CPNE4: variants seen among roughly 807,000 people sequenced by gnomAD.
The protein encoded by CPNE4 is copine-4.
CPNE4 carries 25 observed loss-of-function variants against 67.9 expected under a neutral mutation model. The observed-to-expected ratio is 0.37, with a 90% CI of 0.27 to 0.51. The LOEUF (loss-of-function observed/expected upper bound fraction) is 0.51, where lower values mean the gene tolerates loss of function less well. Ranked by LOEUF, CPNE4 falls within the 20% of genes least tolerant of loss-of-function variation. CPNE4 has a pLI of 0.93. For synonymous variants in CPNE4, 242 were observed against 244.9 expected (o/e 0.99, Z 0.11); for missense variants, 464 against 690.8 (o/e 0.67, Z 3.68).
intron 1 of CPNE4, among the ~76,000 whole-genome samples, chr3:131,992,306 G>A (rs1433952929): frequency 1.5e-5 from 2 of 137,010 alleles, no homozygotes; most frequent in African/African-American, 4.9e-5. Flanking sequence ...AAGGCTGTGG[G>A]AGCCCACCTC....
intron 1 of CPNE4, among the ~76,000 whole-genome samples, chr3:131,995,380 C>T (rs1027583995): frequency 6.6e-5 from 10 of 152,136 alleles, no homozygotes; most frequent in African/African-American, 2.2e-4. Flanking sequence ...AAAAGATAAC[C>T]CCCCTTCAAG....
intron 1 of CPNE4, among the ~76,000 whole-genome samples, chr3:131,951,833 G>A (rs1483037417): frequency 2.0e-5 from 3 of 152,126 alleles, no homozygotes; most frequent in Non-Finnish European, 2.9e-5. Context: ...CCGAGGTGCC[G>A]GGATTGCAGA....
chr3:131,760,980 G>A (rs937076617), intron 2 of CPNE4, among the ~76,000 whole-genome samples: 1 of 152,080 alleles, frequency 6.6e-6, no homozygotes, highest in African/African-American at 2.4e-5. Context: ...AATTCCCTGA[G>A]GGAAGAGACA....
At chr3:131,997,009 G>A (rs1209741835) in intron 1 of CPNE4, among the ~76,000 whole-genome samples, 1 of 151,994 alleles carries the variant, frequency 6.6e-6, no homozygotes, top group Non-Finnish European at 1.5e-5. Flanking sequence ...GGCCTGGAGT[G>A]GAGGGGCCAT....
chr3:131,745,168 T>C (rs1373868045), intron 2 of CPNE4, among the ~76,000 whole-genome samples: 1 of 152,160 alleles, frequency 6.6e-6, no homozygotes, highest in Non-Finnish European at 1.5e-5. Context: ...TTAATTTTAA[T>C]TTTCATAATA....
chr3:131,667,171 G>A (rs1164053702), intron 7 of CPNE4, among the ~76,000 whole-genome samples: 1 of 151,808 alleles, frequency 6.6e-6, no homozygotes, highest in Non-Finnish European at 1.5e-5. Flanking sequence ...AGATTTTCAT[G>A]GACCCTAAAA....
chr3:131,626,254 G>C (rs1005694316), intron 7 of CPNE4, among the ~76,000 whole-genome samples: 2 of 152,232 alleles, frequency 1.3e-5, no homozygotes, highest in Non-Finnish European at 2.9e-5. Flanking sequence ...ATTAAGCTTG[G>C]TGGGGAAGGC....
At chr3:131,562,611 C>T (rs529168115) in intron 11 of CPNE4, among the ~76,000 whole-genome samples, 5 of 152,044 alleles carry the variant, frequency 3.3e-5, no homozygotes, top group Admixed American at 1.3e-4. Context: ...TGTGTGTATG[C>T]ATCTGTGTGT....
intron 1 of CPNE4, among the ~76,000 whole-genome samples, chr3:131,999,879 A>G (rs1228465381): frequency 1.3e-5 from 2 of 152,030 alleles, no homozygotes; most frequent in Non-Finnish European, 2.9e-5. Flanking sequence ...AATGCATTTT[A>G]CTGCATGTTT....
At chr3:131,737,728 G>A (rs1164025707) in intron 2 of CPNE4, among the ~76,000 whole-genome samples, 1 of 152,012 alleles carries the variant, frequency 6.6e-6, no homozygotes, top group Non-Finnish European at 1.5e-5. Flanking sequence ...CTTCTATGCT[G>A]GCCCCTTGCT....
intron 6 of CPNE4, among the ~76,000 whole-genome samples, chr3:131,681,538 CTT>C (rs769659272): frequency 1.1e-4 from 17 of 152,130 alleles, no homozygotes; most frequent in Non-Finnish European, 2.4e-4. Flanking sequence ...TTTCTTTTCT[CTT>C]ATTCCTTTTA....
At chr3:131,870,418 A>C (rs2087148380) in intron 2 of CPNE4, among the ~76,000 whole-genome samples, 1 of 152,180 alleles carries the variant, frequency 6.6e-6, no homozygotes, top group Non-Finnish European at 1.5e-5. Context: ...GCTGCTAATA[A>C]TCAGGCACAA....
chr3:131,895,464 T>C (rs2088289910), intron 2 of CPNE4, among the ~76,000 whole-genome samples: 2 of 152,086 alleles, frequency 1.3e-5, no homozygotes, highest in Admixed American at 6.6e-5. Context: ...CATCAATATA[T>C]ACAGTTACAA....
intron 3 of CPNE4, among the ~76,000 whole-genome samples, chr3:131,712,723 G>A (rs1190649300): frequency 6.6e-6 from 1 of 152,222 alleles, no homozygotes; most frequent in African/African-American, 2.4e-5. Context: ...AGTGTTTCAT[G>A]CTTTAGGGCT....
At chr3:131,919,377 A>G (rs1481938651) in intron 1 of CPNE4, among the ~76,000 whole-genome samples, 2 of 152,208 alleles carry the variant, frequency 1.3e-5, no homozygotes, top group Non-Finnish European at 2.9e-5. Context: ...TAGCAATGAA[A>G]ATGGAGGACA....
rs972828087 is a variant in CPNE4, at chr3:131,831,118, C to T, written c.180+74146G>A. On this transcript the variant is annotated intron_variant, in intron 2 of 15. Coordinates refer to ENST00000429747, the MANE Select transcript of CPNE4 (RefSeq NM_130808.3). Reference sequence around the variant, plus strand: ...GTAGTTCATCTAGTATATAACATTGCTAAAAATCCTTCAAAATGGAAACAA... The same window carrying T: ...GTAGTTCATCTAGTATATAACATTGTTAAAAATCCTTCAAAATGGAAACAA... 5.3e-5 allele frequency among the ~76,000 whole-genome samples: 8 copies of T among 151,708 alleles called. No individual in the cohort carries two copies. The East Asian group carries it at 1.6e-3, about 29-fold the overall frequency.
chr3:132,006,505 C>T (rs1193632568), intron 1 of CPNE4, among the ~76,000 whole-genome samples: 1 of 152,114 alleles, frequency 6.6e-6, no homozygotes, highest in Non-Finnish European at 1.5e-5. Flanking sequence ...GAGAAGTTTA[C>T]AGCATAACAA....
chr3:131,666,074 A>C (rs910367767), intron 7 of CPNE4, among the ~76,000 whole-genome samples: 3 of 152,194 alleles, frequency 2.0e-5, no homozygotes, highest in Non-Finnish European at 4.4e-5. Context: ...TTAAGAAGGC[A>C]AGGAATACGG....
chr3:132,010,699 C>T (rs561480263), intron 1 of CPNE4, among the ~76,000 whole-genome samples: 6 of 152,222 alleles, frequency 3.9e-5, no homozygotes, highest in Non-Finnish European at 8.8e-5. Flanking sequence ...TCAGAGGGGC[C>T]GTGACTCTCT....
Sources: gnomAD v4.1 joint callset for allele counts (sites outside exome capture counted in the v4.1 genomes callset) on GRCh38, gnomAD v4.1.1 for gene constraint, MANE v1.5 for transcripts, NCBI Gene and HGNC (gene_info 2026-07-23, HGNC 2026-07-21) for gene names.